DNAJC1: variants seen among roughly 807,000 people sequenced by gnomAD.
DNAJC1 encodes the protein dnaJ homolog subfamily C member 1.
In DNAJC1, 58 loss-of-function variants were observed where a neutral mutation model predicts 76.6. That is an observed-to-expected ratio of 0.76 (90% CI 0.61 to 0.94). The LOEUF (loss-of-function observed/expected upper bound fraction) is 0.94, where lower values mean the gene tolerates loss of function less well. Among genes scored for constraint, DNAJC1 ranks in the 40% least tolerant of loss-of-function variants. The pLI is 0.00. For synonymous variants in DNAJC1, 258 were observed against 267.9 expected, an observed-to-expected ratio of 0.96 and a Z score of 0.36; for missense variants, 689 against 677.3, an observed-to-expected ratio of 1.02 and a Z score of -0.19.
At chr10:21,851,562 T>C (rs1835754106) in intron 8 of DNAJC1, among the ~76,000 whole-genome samples, 1 of 152,286 alleles carries the variant, frequency 6.6e-6, no homozygotes, top group Admixed American at 6.5e-5. Flanking sequence ...TCGGCTGCAG[T>C]GGAAAACAGG....
In DNAJC1 at chr10:21,805,964, A is replaced by C; in HGVS notation, c.1098+16T>G. On this transcript the variant is annotated intron_variant, in intron 9 of 11. Transcript: ENST00000376980. ...TGGTTTCTCTCTCTATACAATGCAA[A>C]TCTCAGTGAACTCACATCTGTCACA... The C allele has an allele frequency of 6.2e-7, 1 of 1,611,266 alleles. No homozygotes were observed. The highest frequency in any genetic ancestry group is 2.3e-4 in the Middle Eastern group (1 of 4,424).
At chr10:21,840,059 T>C (rs1288740505) in intron 8 of DNAJC1, among the ~76,000 whole-genome samples, 1 of 152,234 alleles carries the variant, frequency 6.6e-6, no homozygotes, top group East Asian at 1.9e-4. Context: ...CAACGCTTCA[T>C]GCTAAAAACT....
chr10:21,999,605 C>A (rs1350673676), intron 1 of DNAJC1, among the ~76,000 whole-genome samples: 1 of 152,120 alleles, frequency 6.6e-6, no homozygotes, highest in African/African-American at 2.4e-5. Context: ...CAGGCGCCTG[C>A]CACCACGCCT....
At chr10:21,786,427 AATATATATATAT>A (rs71472824) in intron 9 of DNAJC1, among the ~76,000 whole-genome samples, 499 of 31,338 alleles carry the variant, frequency 0.016, 23 homozygotes, top group South Asian at 0.061. Context: ...TTAAAATGGG[AATATATATATAT>A]ATATATATAT....
intron 1 of DNAJC1, among the ~76,000 whole-genome samples, chr10:22,002,036 C>T (rs1186825158): frequency 6.6e-6 from 1 of 152,194 alleles, no homozygotes; most frequent in Non-Finnish European, 1.5e-5. Flanking sequence ...AATTGTTTCA[C>T]TCATGGTACC....
chr10:21,886,422 C>G (rs183295682), intron 7 of DNAJC1, among the ~76,000 whole-genome samples: 1 of 152,224 alleles, frequency 6.6e-6, no homozygotes, highest in African/African-American at 2.4e-5. Context: ...TGGTATCATT[C>G]CTACAGAAAC....
Position 21,756,611 on chromosome 10 carries a change from A to G in DNAJC1, c.*76T>C. The G allele has an allele frequency of 8.7e-7, 1 of 1,151,096 alleles. No homozygotes were observed. The highest frequency in any genetic ancestry group is 1.3e-6 in the Non-Finnish European group (1 of 767,748). 71.3% of individuals were successfully genotyped at this position (1,151,096 alleles called of 1,614,324 possible). ...ACATGACGTAGAAATATTGAGGTAC[A>G]AAATGCAAATTTCTGCATAAGATTT... On this transcript the variant is annotated 3_prime_UTR_variant, in exon 12 of 12. Coordinates refer to ENST00000376980, the MANE Select transcript of DNAJC1 (RefSeq NM_022365.4).
intron 1 of DNAJC1, among the ~76,000 whole-genome samples, chr10:21,956,961 G>A (rs1217485665): frequency 6.8e-6 from 1 of 147,588 alleles, no homozygotes; most frequent in East Asian, 2.0e-4. Context: ...CAGCGATCTC[G>A]GCTCGCTGCA....
chr10:21,803,214 G>C (rs1478802285), intron 9 of DNAJC1, among the ~76,000 whole-genome samples: 1 of 151,938 alleles, frequency 6.6e-6, no homozygotes, highest in Admixed American at 6.6e-5. Context: ...CTCCCAAAAG[G>C]TCAATTGTTT....
At chr10:21,924,436 G>GAATATTTAATGAGTTGTGTT in intron 3 of DNAJC1, among the ~76,000 whole-genome samples, 1 of 152,020 alleles carries the variant, frequency 6.6e-6, no homozygotes, top group Non-Finnish European at 1.5e-5. Context: ...AACTGGGTTA[G>GAATATTTAATGAGTTGTGTT]CAAAAGAAGA....
At chr10:21,894,946 T>G (rs1336692876) in intron 7 of DNAJC1, among the ~76,000 whole-genome samples, 4 of 152,198 alleles carry the variant, frequency 2.6e-5, no homozygotes, top group Non-Finnish European at 5.9e-5. Context: ...ATACTAAACT[T>G]GCTGGTATCT....
chr10:21,945,650 A>T, intron 1 of DNAJC1, among the ~76,000 whole-genome samples: 1 of 152,186 alleles, frequency 6.6e-6, no homozygotes, highest in East Asian at 1.9e-4. Flanking sequence ...AATGTTATAG[A>T]TCTTGGCCAT....
intron 9 of DNAJC1, among the ~76,000 whole-genome samples, chr10:21,782,874 TA>T (rs1486881899): frequency 1.3e-5 from 2 of 152,182 alleles, no homozygotes; most frequent in African/African-American, 4.8e-5. Context: ...AAACTCTCAA[TA>T]AATTAGGTGT....
intron 8 of DNAJC1, among the ~76,000 whole-genome samples, chr10:21,806,795 T>C (rs1666501843): frequency 6.6e-6 from 1 of 152,130 alleles, no homozygotes; most frequent in African/African-American, 2.4e-5. Flanking sequence ...CAGCATTTCA[T>C]TTTATTTTGA....
At chr10:21,928,693 T>TA in intron 2 of DNAJC1, 141 bp from the exon 3 acceptor site, 1 of 644,014 alleles carries the variant, frequency 1.6e-6, no homozygotes, top group Non-Finnish European at 2.7e-6. Flanking sequence ...CCTTTATAAG[T>TA]AACACTATGT....
intron 9 of DNAJC1, among the ~76,000 whole-genome samples, chr10:21,772,336 T>C (rs1834395430): frequency 6.9e-6 from 1 of 145,030 alleles, no homozygotes; most frequent in Non-Finnish European, 1.5e-5. Context: ...AATTCAGTGG[T>C]GAAACTATCT....
intron 8 of DNAJC1, among the ~76,000 whole-genome samples, chr10:21,826,340 G>C (rs1047787089): frequency 1.3e-5 from 2 of 150,652 alleles, no homozygotes; most frequent in African/African-American, 4.9e-5. Context: ...TTTTATTTTA[G>C]AGATAGAGTC....
At chr10:21,807,797 G>A (rs1308631722) in intron 8 of DNAJC1, among the ~76,000 whole-genome samples, 1 of 152,104 alleles carries the variant, frequency 6.6e-6, no homozygotes, top group Non-Finnish European at 1.5e-5. Context: ...CATTGGGTCT[G>A]GTCGGAATTT....
chr10:21,882,528 G>T, intron 7 of DNAJC1, 89 bp from the exon 8 acceptor site: 1 of 833,458 alleles, frequency 1.2e-6, no homozygotes, highest in Non-Finnish European at 1.7e-6. Context: ...TATCCTGAAA[G>T]AAAACATCAA....
Sources: gnomAD v4.1 joint callset for allele counts (sites outside exome capture counted in the v4.1 genomes callset) on GRCh38, gnomAD v4.1.1 for gene constraint, MANE v1.5 for transcripts, NCBI Gene and HGNC (gene_info 2026-07-23, HGNC 2026-07-21) for gene names.